The following TAMM41 variants were observed in gnomAD, a reference collection of about 807,000 sequenced individuals.
TAMM41 encodes the protein TAM41 mitochondrial translocator assembly and maintenance homolog.
Under a neutral mutation model 44.1 loss-of-function variants are expected in TAMM41, and 36 were observed. That is an observed-to-expected ratio of 0.82 (90% CI 0.63 to 1.08). The LOEUF is 1.08. Ranked by LOEUF, TAMM41 falls within the 50% of genes least tolerant of loss-of-function variation. The pLI, the probability that TAMM41 is intolerant of heterozygous loss-of-function variation, is 0.00. For synonymous variants in TAMM41, 164 were observed against 153.1 expected (o/e 1.07, Z -0.53); for missense variants, 417 against 404.3 (o/e 1.03, Z -0.27).
chr3:11,846,586 C>T lies in TAMM41; in HGVS notation c.51G>A (p.Leu17=), dbSNP rs761548929. 4.8e-5 allele frequency: 78 copies of T among 1,614,116 alleles called. No homozygotes were observed. The highest frequency in any genetic ancestry group is 6.4e-5 in the Non-Finnish European group (75 of 1,180,054). Residue 17 remains leucine (L), a synonymous_variant, in exon 1 of 8, where the codon CTG becomes CTA. Transcript: ENST00000455809. ...QSSWVTFRKI[L]SHFPEELSLA... The stretch of plus-strand genomic sequence containing the variant: ...GACTCAGCTCCTCGGGGAAGTGAGA[C>T]AGGATCTTGCGGAAGGTCACCCACG...
chr3:11,724,943 C>G, the TAMM41 span: 2 of 152,312 alleles, frequency 1.3e-5, no homozygotes, highest in Non-Finnish European at 2.9e-5. Context: ...TCCCTTATTG[C>G]TATCTCTATT....
At chr3:11,733,124 G>A in the TAMM41 span, among the ~76,000 whole-genome samples, 1 of 151,456 alleles carries the variant, frequency 6.6e-6, no homozygotes, top group Non-Finnish European at 1.5e-5. Context: ...ACAGCCTCCG[G>A]AGTAGCTGGG....
chr3:11,726,883 C>T, the TAMM41 span, among the ~76,000 whole-genome samples: 3 of 151,268 alleles, frequency 2.0e-5, no homozygotes, highest in South Asian at 2.1e-4. Context: ...GGTGGAGGAG[C>T]GCTAAAAATC....
chr3:11,815,488 C>T (rs1356802096), intron 5 of TAMM41, among the ~76,000 whole-genome samples: 1 of 152,186 alleles, frequency 6.6e-6, no homozygotes, highest in Non-Finnish European at 1.5e-5. Context: ...AATAAGACAA[C>T]TATTAACTCC....
chr3:11,753,395 C>A, the TAMM41 span, among the ~76,000 whole-genome samples: 1 of 151,794 alleles, frequency 6.6e-6, no homozygotes, highest in Non-Finnish European at 1.5e-5. Flanking sequence ...GAATGCACCA[C>A]TGCACCCCAG....
chr3:11,804,583 G>A (rs145265193), intron 7 of TAMM41, among the ~76,000 whole-genome samples: 189 of 152,166 alleles, frequency 1.2e-3, no homozygotes, highest in African/African-American at 4.2e-3. Flanking sequence ...AGCATGGGAC[G>A]CCAACAACAA....
At chr3:11,844,775 A>T in intron 1 of TAMM41, 1 of 367,050 alleles carries the variant, frequency 2.7e-6, no homozygotes, top group Admixed American at 3.7e-5. Flanking sequence ...TATTGAGTAC[A>T]TAAGTAATGA....
At chr3:11,770,133 C>A in the TAMM41 span, among the ~76,000 whole-genome samples, 1 of 152,256 alleles carries the variant, frequency 6.6e-6, no homozygotes, top group South Asian at 2.1e-4. Context: ...TGGTCCCGCA[C>A]TCTAAGAGCT....
At chr3:11,744,862 A>G in the TAMM41 span, among the ~76,000 whole-genome samples, 1 of 119,008 alleles carries the variant, frequency 8.4e-6, no homozygotes, top group Non-Finnish European at 1.8e-5. Flanking sequence ...CCTCATCTCT[A>G]CAGGTAATTT....
At chr3:11,842,977 G>T (rs1559332560) in intron 2 of TAMM41, among the ~76,000 whole-genome samples, 1 of 152,186 alleles carries the variant, frequency 6.6e-6, no homozygotes, top group Non-Finnish European at 1.5e-5. Flanking sequence ...TGCTTCAGCT[G>T]AAAGACAGTT....
chr3:11,759,180 A>AGATG, the TAMM41 span, among the ~76,000 whole-genome samples: 1 of 151,930 alleles, frequency 6.6e-6, no homozygotes, highest in Non-Finnish European at 1.5e-5. Flanking sequence ...TTTGTCATTA[A>AGATG]AAAAAAATTT....
Position 11,809,641 on chromosome 3 carries a change from T to C in TAMM41, c.750A>G (p.Thr250=), listed in dbSNP as rs910016760. The C allele has an allele frequency of 6.2e-7, 1 of 1,613,924 alleles. No homozygotes were observed. Among genetic ancestry groups the C allele is most frequent in the African/African-American group, 1.3e-5 (1 of 74,892 alleles). Residue 250 remains threonine (T), a synonymous_variant, in exon 6 of 8, where the codon ACA becomes ACG. Coordinates refer to ENST00000455809, the MANE Select transcript of TAMM41 (RefSeq NM_001284401.2). ...TCTGTTGCTGTAAGGTTTTGGGCAA[T>C]GTCATCAGCTGAGTGAACTGTCCTT... ...SPEGQFTQLM[T]LPKTLQQQIN...
At chr3:11,790,428 AG>A (rs1336255612), downstream of TAMM41, 1 of 1,348,914 alleles carries the variant, frequency 7.4e-7, no homozygotes, top group Non-Finnish European at 1.1e-6. Context: ...AATGGGTCAA[AG>A]TAACAAACAC....
intron 5 of TAMM41, among the ~76,000 whole-genome samples, chr3:11,810,577 T>C (rs188963653): frequency 2.0e-5 from 3 of 152,320 alleles, no homozygotes; most frequent in African/African-American, 7.2e-5. Context: ...ATCACATTAT[T>C]TCCCAAGGAA....
At chr3:11,763,625 G>GA in the TAMM41 span, among the ~76,000 whole-genome samples, 8 of 152,182 alleles carry the variant, frequency 5.3e-5, no homozygotes, top group African/African-American at 1.9e-4. Context: ...CTCCAACTAA[G>GA]AAAATCACAG....
intron 4 of TAMM41, among the ~76,000 whole-genome samples, chr3:11,825,256 C>T (rs888912912): frequency 2.6e-5 from 4 of 152,232 alleles, no homozygotes; most frequent in African/African-American, 9.6e-5. Context: ...CAATACCTGA[C>T]ACACAGTACT....
chr3:11,789,647 G>A (rs547747829), downstream of TAMM41, among the ~76,000 whole-genome samples: 73 of 152,302 alleles, frequency 4.8e-4, 3 homozygotes, highest in South Asian at 0.011. Flanking sequence ...GCTCTGGGAT[G>A]GGCATGGCAC....
At chr3:11,813,989 T>TAC (rs2078189009) in intron 5 of TAMM41, among the ~76,000 whole-genome samples, 1 of 116,028 alleles carries the variant, frequency 8.6e-6, no homozygotes, top group Non-Finnish European at 1.9e-5. Context: ...CACACCTGTG[T>TAC]ATACACACAC....
rs2078029821 is a variant in TAMM41, at chr3:11,809,701, AGAC to A, written c.709-22_709-20del. 1 of 1,589,322 alleles carries A rather than the reference AGAC, an allele frequency of 6.3e-7. No homozygotes were observed. Among genetic ancestry groups the A allele is most frequent in the Non-Finnish European group, 8.5e-7 (1 of 1,174,382 alleles). On this transcript the variant is annotated intron_variant, in intron 5 of 7. Coordinates refer to ENST00000455809, the MANE Select transcript of TAMM41 (RefSeq NM_001284401.2). ...TATCTATCTGAAGGGAGGAAAAAAA[AGAC>A]GACGTCTATGGAAGTGCTTTAAATC...
Sources: allele counts gnomAD v4.1 joint callset (sites outside exome capture counted in the v4.1 genomes callset), GRCh38; gene constraint gnomAD v4.1.1; transcripts MANE v1.5; gene names NCBI Gene and HGNC (gene_info 2026-07-23, HGNC 2026-07-21).